The following CEMIP variants were observed in gnomAD, a reference collection of about 807,000 sequenced individuals.
CEMIP encodes the protein cell migration inducing hyaluronidase 1, also known as cell migration-inducing and hyaluronan-binding protein.
In CEMIP, 105 loss-of-function variants were observed where a neutral mutation model predicts 156.9. That is an observed-to-expected ratio of 0.67 (90% CI 0.57 to 0.79). The LOEUF (loss-of-function observed/expected upper bound fraction) is 0.79. Among genes scored for constraint, CEMIP ranks in the 30% least tolerant of loss-of-function variants. The probability of loss-of-function intolerance (pLI) is 0.00; values close to 1 mark genes in which losing one functional copy is unlikely to be tolerated. For synonymous variants in CEMIP, 676 were observed against 668.4 expected (o/e 1.01, Z -0.17); for missense variants, 1,457 against 1,769.4 (o/e 0.82, Z 3.17).
At chr15:80,921,859 G>A (rs1463683297) in intron 16 of CEMIP, 150 bp from the exon 17 acceptor site, 4 of 890,472 alleles carry the variant, frequency 4.5e-6, no homozygotes, top group African/African-American at 1.6e-5. Flanking sequence ...TGGACCACAT[G>A]GAGGTGTGTT....
chr15:80,851,211 T>A (rs1334133392), intron 1 of CEMIP, among the ~76,000 whole-genome samples: 3 of 151,916 alleles, frequency 2.0e-5, no homozygotes, highest in African/African-American at 7.3e-5. Flanking sequence ...AATCCTGGGG[T>A]CACCGCAACT....
chr15:80,882,465 CA>C (rs1241103491), intron 6 of CEMIP, among the ~76,000 whole-genome samples: 1 of 152,208 alleles, frequency 6.6e-6, no homozygotes, highest in Admixed American at 6.5e-5. Flanking sequence ...TTGATTGACA[CA>C]AAGTATGTCA....
intron 12 of CEMIP, among the ~76,000 whole-genome samples, chr15:80,896,965 A>C (rs898808091): frequency 6.6e-6 from 1 of 152,294 alleles, no homozygotes; most frequent in East Asian, 1.9e-4. Flanking sequence ...TAGTGCTCAA[A>C]AGTCACCTTC....
Position 80,932,140 on chromosome 15 carries a change from G to A in CEMIP, c.2793+101G>A. On this transcript the variant is annotated intron_variant, in intron 22 of 29. Coordinates refer to ENST00000394685, the MANE Select transcript of CEMIP (RefSeq NM_001293298.2). This position sits in a 1 kb window ranked among gnomAD's most constrained non-coding sequence, Gnocchi z 4.5. ...AGTTTGAGCTATTGCCACCACCGCA[G>A]GGGTTGAGAAGCCTCCTCCAACTAG... 7.2e-7 allele frequency: 1 copy of A among 1,382,438 alleles called. No individual in the cohort carries two copies. The highest frequency in any genetic ancestry group is 1.0e-6 in the Non-Finnish European group (1 of 986,568). 85.6% of individuals were successfully genotyped at this position (1,382,438 alleles called of 1,614,324 possible).
At chr15:80,863,850 A>T (rs112371075) in intron 1 of CEMIP, among the ~76,000 whole-genome samples, 1 of 152,134 alleles carries the variant, frequency 6.6e-6, no homozygotes, top group South Asian at 2.1e-4. Context: ...CATTCATGGA[A>T]TCCCCCAGAA....
intron 1 of CEMIP, among the ~76,000 whole-genome samples, chr15:80,840,916 A>G (rs2141706435): frequency 6.6e-6 from 1 of 152,310 alleles, no homozygotes; most frequent in Admixed American, 6.5e-5. Context: ...ACCATGCCTC[A>G]CCTTCATTAG....
At chr15:80,788,583 C>A (rs530480396) in intron 1 of CEMIP, among the ~76,000 whole-genome samples, 1 of 152,224 alleles carries the variant, frequency 6.6e-6, no homozygotes, top group African/African-American at 2.4e-5. Flanking sequence ...GTGTTACAGG[C>A]ACTGAGTAAT....
At chr15:80,844,881 C>T (rs1177300987) in intron 1 of CEMIP, among the ~76,000 whole-genome samples, 4 of 152,182 alleles carry the variant, frequency 2.6e-5, no homozygotes, top group African/African-American at 7.2e-5. Flanking sequence ...CCCCAGGGTG[C>T]CCATGGGCAG....
At chr15:80,794,864 A>G (rs1896176692) in intron 1 of CEMIP, among the ~76,000 whole-genome samples, 1 of 152,208 alleles carries the variant, frequency 6.6e-6, no homozygotes, top group Admixed American at 6.5e-5. Flanking sequence ...AGGTTTGAGG[A>G]GAAAAAATAG....
chr15:80,919,708 G>C (rs973721265), intron 14 of CEMIP, among the ~76,000 whole-genome samples: 1 of 152,018 alleles, frequency 6.6e-6, no homozygotes, highest in Non-Finnish European at 1.5e-5. Context: ...CCAGCTACTC[G>C]GGAGGCTGAG....
At chr15:80,875,501 A>T (rs776439906) in intron 3 of CEMIP, among the ~76,000 whole-genome samples, 1 of 152,116 alleles carries the variant, frequency 6.6e-6, no homozygotes, top group Non-Finnish European at 1.5e-5. Flanking sequence ...AAAGTGATCC[A>T]CCTTGGAGAG....
chr15:80,941,869 A>C lies in CEMIP; in HGVS notation c.3428A>C (p.Lys1143Thr). The change falls in exon 26 of 30, where the codon AAA becomes ACA. Residue 1143 changes from lysine to threonine, a missense_variant. By Grantham distance (78) the Lys-to-Thr change is moderately conservative. Coordinates refer to ENST00000394685, the MANE Select transcript of CEMIP (RefSeq NM_001293298.2). ...EDSGLLFLKL[K>T]AQNEREKFAF... ...TGCAGGCTGTTGTTCCTGAAGCTGAAAGCTCAGAACGAGAGAGAGAAGTTT... is the reference window on the plus strand; with the variant it reads ...TGCAGGCTGTTGTTCCTGAAGCTGACAGCTCAGAACGAGAGAGAGAAGTTT... 1 of 1,613,838 alleles carries C rather than the reference A, an allele frequency of 6.2e-7. No individual in the cohort carries two copies. Among genetic ancestry groups the C allele is most frequent in the Non-Finnish European group, 8.5e-7 (1 of 1,179,968 alleles).
At chr15:80,920,354 G>C (rs1029175374) in intron 15 of CEMIP, 55 bp downstream of exon 15, 27 of 1,498,182 alleles carry the variant, frequency 1.8e-5, no homozygotes, top group African/African-American at 5.5e-5. Context: ...ACATGTGTGT[G>C]CATGTGTTCA....
At chr15:80,926,078 A>G (rs1567104476) in intron 19 of CEMIP, among the ~76,000 whole-genome samples, 3 of 152,250 alleles carry the variant, frequency 2.0e-5, no homozygotes. Context: ...AAGCCAGAAC[A>G]TTCTAGGCAC....
At chr15:80,902,561 G>T (rs182533024) in intron 12 of CEMIP, among the ~76,000 whole-genome samples, 1 of 152,336 alleles carries the variant, frequency 6.6e-6, no homozygotes, top group Non-Finnish European at 1.5e-5. Flanking sequence ...TAACAGCCAT[G>T]GCCAGGTCTT....
At chr15:80,895,157 T>C (rs1363594461) in intron 11 of CEMIP, 35 bp downstream of exon 11, 7 of 1,613,652 alleles carry the variant, frequency 4.3e-6, no homozygotes, top group Middle Eastern at 1.7e-4. Flanking sequence ...CAGATGCAAC[T>C]ATGGCTCGGT....
At chr15:80,903,514 T>C (rs1899661961) in intron 12 of CEMIP, among the ~76,000 whole-genome samples, 1 of 152,212 alleles carries the variant, frequency 6.6e-6, no homozygotes, top group Non-Finnish European at 1.5e-5. Flanking sequence ...GATGATGGTC[T>C]GGTCTGGCCA....
intron 19 of CEMIP, among the ~76,000 whole-genome samples, chr15:80,926,348 A>G (rs1267266088): frequency 6.6e-6 from 1 of 152,224 alleles, no homozygotes; most frequent in Non-Finnish European, 1.5e-5. Flanking sequence ...AAGGACCAGA[A>G]GGCACAGGCA....
chr15:80,936,814 G>A lies in CEMIP; in HGVS notation c.3150G>A (p.Gln1050=), dbSNP rs781678263. The A allele has an allele frequency of 3.1e-6, 5 of 1,614,132 alleles. No individual in the cohort carries two copies. In the South Asian group the frequency reaches 5.5e-5, roughly 18 times the overall value. ...YQQYQPVVTL[Q]KGYTIHWDQT... is the part of the protein sequence containing the mutation. ...AATACCAACCGGTTGTCACCCTGCA[G>A]AAGGGCTACACCATCCACTGGGACC... Residue 1050 remains glutamine (Q), a synonymous_variant, in exon 24 of 30, where the codon CAG becomes CAA. Coordinates refer to ENST00000394685, the MANE Select transcript of CEMIP (RefSeq NM_001293298.2).
Sources: allele counts gnomAD v4.1 joint callset (sites outside exome capture counted in the v4.1 genomes callset), GRCh38; gene constraint gnomAD v4.1.1; non-coding constraint Gnocchi (gnomAD v3.1); transcripts MANE v1.5; gene names NCBI Gene and HGNC (gene_info 2026-07-23, HGNC 2026-07-21).